ZNF469: variants seen among roughly 807,000 people sequenced by gnomAD.
The protein encoded by ZNF469 is zinc finger protein 469.
Under a neutral mutation model 1.0 loss-of-function variants are expected in ZNF469, and 1 was observed. The observed-to-expected ratio is 1.00, with a 90% CI of 0.35 to 4.73. The LOEUF is 4.73. Among genes scored for constraint, ZNF469 ranks in the 30% most tolerant of loss-of-function variants. The probability of loss-of-function intolerance (pLI) is 0.16; values close to 1 mark genes in which losing one functional copy is unlikely to be tolerated. For missense variants in ZNF469, 6,100 were observed against 5,356.3 expected, an observed-to-expected ratio of 1.14 and a Z score of -4.33; for synonymous variants, 2,703 against 2,363.4, an observed-to-expected ratio of 1.14 and a Z score of -4.17.
the ZNF469 span, among the ~76,000 whole-genome samples, chr16:88,198,635 T>C: frequency 6.6e-6 from 1 of 152,148 alleles, no homozygotes; most frequent in African/African-American, 2.4e-5. Flanking sequence ...AGGTGAGTGC[T>C]GGAGTGTGTA....
chr16:88,122,572 T>C, the ZNF469 span, among the ~76,000 whole-genome samples: 72,253 of 151,912 alleles, frequency 0.48, 20,704 homozygotes, highest in Non-Finnish European at 0.64. Flanking sequence ...TGTCACTCAC[T>C]ACGGCCACGG....
the ZNF469 span, among the ~76,000 whole-genome samples, chr16:88,375,479 C>G: frequency 6.6e-6 from 1 of 152,354 alleles, no homozygotes; most frequent in African/African-American, 2.4e-5. Context: ...CATCTTTGCA[C>G]AGAGTCCCAC....
the ZNF469 span, chr16:88,101,042 G>A: frequency 7.7e-5 from 17 of 220,914 alleles, no homozygotes; most frequent in East Asian, 2.7e-3. Context: ...GGGGATGGGC[G>A]CCGGCAGACA....
chr16:88,380,083 A>T (rs1599339312), upstream of ZNF469, among the ~76,000 whole-genome samples: 1 of 151,884 alleles, frequency 6.6e-6, no homozygotes, highest in African/African-American at 2.4e-5. Context: ...ACACGCACTC[A>T]CACACACAAA....
chr16:88,247,080 T>A, the ZNF469 span, among the ~76,000 whole-genome samples: 1 of 150,012 alleles, frequency 6.7e-6, no homozygotes, highest in Non-Finnish European at 1.5e-5. Context: ...ACTGAGTGAG[T>A]GAATGACTGA....
chr16:88,153,124 G>C, the ZNF469 span, among the ~76,000 whole-genome samples: 1 of 152,206 alleles, frequency 6.6e-6, no homozygotes, highest in African/African-American at 2.4e-5. Context: ...CCGGGGGTGT[G>C]GACAGTGCCC....
At chr16:88,123,303 G>A in the ZNF469 span, among the ~76,000 whole-genome samples, 1 of 152,126 alleles carries the variant, frequency 6.6e-6, no homozygotes, top group African/African-American at 2.4e-5. Flanking sequence ...GCGGAGCATC[G>A]AGGTTTATCC....
the ZNF469 span, among the ~76,000 whole-genome samples, chr16:88,281,944 T>C: frequency 6.6e-6 from 1 of 152,240 alleles, no homozygotes; most frequent in East Asian, 1.9e-4. Flanking sequence ...AGTGCATGGA[T>C]TGTACTGCGA....
At chr16:88,199,853 C>G in the ZNF469 span, among the ~76,000 whole-genome samples, 1 of 152,182 alleles carries the variant, frequency 6.6e-6, no homozygotes, top group Non-Finnish European at 1.5e-5. Context: ...GTTTGTTGTC[C>G]CACAGATCAA....
the ZNF469 span, among the ~76,000 whole-genome samples, chr16:88,171,431 A>G: frequency 3.3e-5 from 5 of 152,240 alleles, no homozygotes; most frequent in Admixed American, 2.6e-4. Context: ...GTGCCAGCCC[A>G]GGCCCAGCCT....
the ZNF469 span, among the ~76,000 whole-genome samples, chr16:88,363,530 G>C: frequency 6.6e-6 from 1 of 152,240 alleles, no homozygotes; most frequent in Non-Finnish European, 1.5e-5. Flanking sequence ...GAGTCAGCCA[G>C]ATGTCCTGGC....
intron 1 of ZNF469, among the ~76,000 whole-genome samples, chr16:88,416,775 C>T (rs1304752607): frequency 1.3e-5 from 2 of 152,222 alleles, no homozygotes; most frequent in Non-Finnish European, 2.9e-5. Context: ...GCACCCTTCG[C>T]CCTTCCAGGG....
At chr16:88,329,193 G>A in the ZNF469 span, among the ~76,000 whole-genome samples, 4 of 152,168 alleles carry the variant, frequency 2.6e-5, no homozygotes, top group African/African-American at 4.8e-5. Flanking sequence ...GGAGTAACAC[G>A]GCCGCTGCTG....
chr16:88,154,842 G>C, the ZNF469 span, among the ~76,000 whole-genome samples: 1 of 152,156 alleles, frequency 6.6e-6, no homozygotes, highest in Non-Finnish European at 1.5e-5. Context: ...TTTAAGCCTG[G>C]GTCTTCTCGC....
chr16:88,117,666 T>C, the ZNF469 span, among the ~76,000 whole-genome samples: 5 of 149,272 alleles, frequency 3.3e-5, no homozygotes, highest in South Asian at 1.1e-3. Context: ...TCACAAACCG[T>C]GGAGGTGCCA....
At chr16:88,107,276 T>G in the ZNF469 span, among the ~76,000 whole-genome samples, 64,302 of 152,106 alleles carry the variant, frequency 0.42, 13,858 homozygotes, top group East Asian at 0.55. Context: ...TTTAATTGAC[T>G]CACAGTTCAG....
At chr16:88,130,601 G>T in the ZNF469 span, among the ~76,000 whole-genome samples, 1 of 151,906 alleles carries the variant, frequency 6.6e-6, no homozygotes. Flanking sequence ...AGCTACTCGG[G>T]AGGCTGAGGT....
the ZNF469 span, among the ~76,000 whole-genome samples, chr16:88,146,423 G>A: frequency 1.3e-4 from 20 of 152,286 alleles, no homozygotes; most frequent in South Asian, 3.9e-3. Context: ...GGCAGCCGTG[G>A]CTGGAACCTT....
chr16:88,241,519 C>T, the ZNF469 span, among the ~76,000 whole-genome samples: 119 of 152,242 alleles, frequency 7.8e-4, 1 homozygote, highest in Non-Finnish European at 1.5e-3. This position sits in a 1 kb window ranked among gnomAD's most constrained non-coding sequence, Gnocchi z 4.8. Context: ...AGGGCCCAGG[C>T]GACAACTGGG....
Sources: allele counts gnomAD v4.1 joint callset (sites outside exome capture counted in the v4.1 genomes callset), GRCh38; gene constraint gnomAD v4.1.1; non-coding constraint Gnocchi (gnomAD v3.1); transcripts MANE v1.5; gene names NCBI Gene and HGNC (gene_info 2026-07-23, HGNC 2026-07-21).